The following EBF1 variants were observed in gnomAD, a reference collection of about 807,000 sequenced individuals.
The protein encoded by EBF1 is transcription factor COE1.
A neutral mutation model predicts 68.4 loss-of-function variants in EBF1; 10 were observed. That is an observed-to-expected ratio of 0.15 (90% CI 0.09 to 0.25). The LOEUF (loss-of-function observed/expected upper bound fraction) is 0.25, where lower values mean the gene tolerates loss of function less well. Ranked by LOEUF, EBF1 falls within the 10% of genes least tolerant of loss-of-function variation. The pLI, the probability that EBF1 is intolerant of heterozygous loss-of-function variation, is 1.00. For missense variants in EBF1, 509 were observed against 794.4 expected (o/e 0.64, Z 4.32); for synonymous variants, 298 against 299.8 (o/e 0.99, Z 0.06).
chr5:158,843,730 A>T (rs1790811647), intron 6 of EBF1, among the ~76,000 whole-genome samples: 1 of 152,212 alleles, frequency 6.6e-6, no homozygotes, highest in Non-Finnish European at 1.5e-5. Flanking sequence ...TTTTCCCCTA[A>T]GTAAAAGCCA....
Position 158,777,494 on chromosome 5 carries a change from T to C in EBF1, c.955A>G (p.Ile319Val). 1 of 1,612,872 alleles carries C rather than the reference T, an allele frequency of 6.2e-7. No individual in the cohort carries two copies. ...AIRVQTPPRH[I>V]PGVVEVTLSY... ...AGTGTGACTTCCACAACACCAGGGA[T>C]GTGCCGAGGAGGGGTCTGCACACGG... is the stretch of plus-strand genomic sequence containing the variant. The change falls in exon 10 of 16, where the codon ATC becomes GTC. Residue 319 changes from isoleucine to valine, a missense_variant. Ile to Val is a conservative substitution (Grantham distance 29). Around this residue, in one of 3 missense-constraint regions of EBF1, gnomAD observed 230 missense variants for 467.7 expected, o/e 0.49. Transcript: ENST00000313708.
intron 6 of EBF1, among the ~76,000 whole-genome samples, chr5:158,898,709 G>A (rs764553754): frequency 3.9e-5 from 6 of 152,160 alleles, no homozygotes; most frequent in South Asian, 2.1e-4. Context: ...CGCACTAAGC[G>A]GGGGATTATC....
chr5:158,794,726 A>C (rs960265669), intron 9 of EBF1, among the ~76,000 whole-genome samples: 2 of 152,196 alleles, frequency 1.3e-5, no homozygotes, highest in Non-Finnish European at 2.9e-5. Context: ...AAAAGGTAGA[A>C]GATACAGCCC....
intron 6 of EBF1, among the ~76,000 whole-genome samples, chr5:158,952,385 G>A (rs1337826388): frequency 1.3e-5 from 2 of 152,148 alleles, no homozygotes; most frequent in East Asian, 1.9e-4. Flanking sequence ...ATGGAAAGTA[G>A]GCCACTACTA....
Position 158,712,997 on chromosome 5 carries a change from A to G in EBF1, c.1342T>C (p.Ser448Pro). 6.6e-7 allele frequency: 1 copy of G among 1,521,468 alleles called. No individual in the cohort carries two copies. Among genetic ancestry groups the G allele is most frequent in the Non-Finnish European group, 8.9e-7 (1 of 1,126,048 alleles). 94.2% of individuals were successfully genotyped at this position (1,521,468 alleles called of 1,614,324 possible). ...SFSGQLAVNV[S>P]EASQATNQGF... is the part of the protein sequence containing the mutation. ...TGATTGGTGGCTTGTGATGCCTCGG[A>G]GACATTCACGGCCAGTTGTCCACTG... Residue 448 changes from serine (S) to proline (P), a missense_variant, in exon 13 of 16, where the codon TCC (serine) becomes CCC (proline). Coordinates refer to ENST00000313708, the MANE Select transcript of EBF1 (RefSeq NM_024007.5).
intron 6 of EBF1, among the ~76,000 whole-genome samples, chr5:159,014,082 A>G (rs1765190666): frequency 6.6e-6 from 1 of 152,248 alleles, no homozygotes; most frequent in Admixed American, 6.5e-5. Context: ...CAGAGAAAGG[A>G]ACCATCTGTG....
At chr5:158,998,600 A>G (rs1761923021) in intron 6 of EBF1, among the ~76,000 whole-genome samples, 1 of 152,256 alleles carries the variant, frequency 6.6e-6, no homozygotes, top group Non-Finnish European at 1.5e-5. Flanking sequence ...TCATTTGTCT[A>G]TCATTTTACC....
intron 6 of EBF1, among the ~76,000 whole-genome samples, chr5:158,999,854 T>C (rs370995404): frequency 5.7e-4 from 87 of 152,322 alleles, no homozygotes; most frequent in African/African-American, 1.9e-3. Flanking sequence ...GGTATCCAAC[T>C]CTTTTCCTAC....
At chr5:158,787,700 G>C (rs1777740495) in intron 9 of EBF1, among the ~76,000 whole-genome samples, 4 of 152,158 alleles carry the variant, frequency 2.6e-5, no homozygotes, top group South Asian at 4.1e-4. Context: ...ATTGGGGAAA[G>C]GGGGAGAGAG....
rs1469542143 is a variant in EBF1 at position 158,866,831 on chromosome 5, A to ATG, written c.555-26723_555-26722dup. The stretch of plus-strand genomic sequence containing the variant: ...CAGTAATATATGTATATATATGTAT[A>ATG]TGTATATATATATATATATATATAT... On this transcript the variant is annotated intron_variant, in intron 6 of 15. Coordinates refer to ENST00000313708, the MANE Select transcript of EBF1 (RefSeq NM_024007.5). 4.2e-4 allele frequency among the ~76,000 whole-genome samples: 29 copies of ATG among 69,384 alleles called. No homozygotes were observed. In the East Asian group the frequency reaches 9.8e-3, roughly 24 times the overall value. The allele number at this position is 69,384 out of a possible 152,430, so 45.5% of individuals were successfully genotyped here.
intron 4 of EBF1, among the ~76,000 whole-genome samples, chr5:159,091,936 T>C (rs1039383533): frequency 2.6e-5 from 4 of 152,160 alleles, no homozygotes; most frequent in Non-Finnish European, 5.9e-5. Context: ...GAGTGTTTTG[T>C]TTTGATAACT....
chr5:159,094,884 C>T (rs1330875925), intron 4 of EBF1, among the ~76,000 whole-genome samples: 1 of 152,100 alleles, frequency 6.6e-6, no homozygotes, highest in Non-Finnish European at 1.5e-5. Flanking sequence ...AAACGTCAGG[C>T]CTCTTTTCTG....
At chr5:158,912,267 G>A (rs1806152730) in intron 6 of EBF1, among the ~76,000 whole-genome samples, 1 of 152,160 alleles carries the variant, frequency 6.6e-6, no homozygotes, top group African/African-American at 2.4e-5. Context: ...ACGGATCCCA[G>A]GGACTTACCC....
intron 6 of EBF1, among the ~76,000 whole-genome samples, chr5:158,888,976 T>C (rs1800609844): frequency 6.6e-6 from 1 of 152,168 alleles, no homozygotes; most frequent in African/African-American, 2.4e-5. Flanking sequence ...ATAATTCTCT[T>C]CCTTTCCTGC....
intron 15 of EBF1, among the ~76,000 whole-genome samples, chr5:158,706,392 A>G (rs1407570190): frequency 6.6e-6 from 1 of 152,076 alleles, no homozygotes; most frequent in Admixed American, 6.5e-5. Context: ...CTGGGGTCAC[A>G]TGGCTTGTGT....
At chr5:158,967,631 C>T (rs375940653) in intron 6 of EBF1, among the ~76,000 whole-genome samples, 2 of 152,028 alleles carry the variant, frequency 1.3e-5, no homozygotes, top group Non-Finnish European at 2.9e-5. Flanking sequence ...AGCAGGATTA[C>T]GAAGAAAATT....
At chr5:159,004,941 C>T (rs1228234644) in intron 6 of EBF1, among the ~76,000 whole-genome samples, 3 of 152,086 alleles carry the variant, frequency 2.0e-5, no homozygotes, top group East Asian at 1.9e-4. Context: ...CAGCATGTCA[C>T]GGAATAATAA....
intron 6 of EBF1, among the ~76,000 whole-genome samples, chr5:159,032,272 A>G (rs1425626402): frequency 2.0e-5 from 3 of 152,230 alleles, no homozygotes; most frequent in Non-Finnish European, 4.4e-5. Context: ...TCTCCGTTGT[A>G]CAAATGTAAA....
intron 14 of EBF1, among the ~76,000 whole-genome samples, chr5:158,711,630 G>A (rs776037839): frequency 8.6e-5 from 13 of 151,946 alleles, no homozygotes; most frequent in Non-Finnish European, 1.3e-4. Context: ...TTAAGTAGAT[G>A]ACAAATATGG....
Sources: allele counts gnomAD v4.1 joint callset (sites outside exome capture counted in the v4.1 genomes callset), GRCh38; gene constraint gnomAD v4.1.1; regional missense constraint gnomAD v4.1.1; transcripts MANE v1.5; gene names NCBI Gene and HGNC (gene_info 2026-07-23, HGNC 2026-07-21).